The following EPS8 variants were observed in gnomAD, a reference collection of about 807,000 sequenced individuals.
EPS8 encodes the protein epidermal growth factor receptor kinase substrate 8.
A neutral mutation model predicts 103.8 loss-of-function variants in EPS8; 42 were observed. That is an observed-to-expected ratio of 0.40 (90% CI 0.32 to 0.52). EPS8 has a LOEUF of 0.52. EPS8 is among the 20% of genes least tolerant of loss of function. The pLI is 0.40. For synonymous variants in EPS8, 344 were observed against 344.6 expected (o/e 1.00, Z 0.02); for missense variants, 969 against 1,005.1 (o/e 0.96, Z 0.49).
chr12:15,735,154 T>C lies in EPS8; in HGVS notation c.-21-52182A>G, dbSNP rs11056614. ...ACTGATTTAAGTATACTAATTTTTCTACAAATGAACTCACCTCAGAAATGA... is the reference window on the plus strand; with the variant it reads ...ACTGATTTAAGTATACTAATTTTTCCACAAATGAACTCACCTCAGAAATGA... On this transcript the variant is annotated intron_variant, in intron 1 of 20. Transcript: ENST00000281172. This position sits in a 1 kb window ranked among gnomAD's most constrained non-coding sequence, Gnocchi z 4.4. 1.1e-3 allele frequency among the ~76,000 whole-genome samples: 163 copies of C among 152,346 alleles called. 2 individuals are homozygous for C. The East Asian group carries it at 0.03, about 28-fold the overall frequency.
intron 13 of EPS8, among the ~76,000 whole-genome samples, chr12:15,652,156 T>C (rs952039927): frequency 2.8e-4 from 42 of 152,190 alleles, no homozygotes; most frequent in Non-Finnish European, 4.1e-4. Context: ...AGAAATCTTG[T>C]CATTTGCAGC....
chr12:15,730,440 C>T (rs189291062), intron 1 of EPS8, among the ~76,000 whole-genome samples: 1 of 152,070 alleles, frequency 6.6e-6, no homozygotes, highest in East Asian at 1.9e-4. Flanking sequence ...TTTAATTTAA[C>T]CTATATTGGG....
intron 6 of EPS8, 106 bp downstream of exon 6, chr12:15,669,281 C>A: frequency 1.0e-6 from 1 of 980,772 alleles, no homozygotes; most frequent in Non-Finnish European, 1.5e-6. Flanking sequence ...TGCTCAGAAA[C>A]TAAAAATCTA....
chr12:15,652,942 G>C (rs1945440554), intron 13 of EPS8, among the ~76,000 whole-genome samples: 1 of 151,992 alleles, frequency 6.6e-6, no homozygotes, highest in Non-Finnish European at 1.5e-5. Flanking sequence ...TATTCTAAGT[G>C]GTGAAATAAA....
chr12:15,669,867 A>C, intron 4 of EPS8, 42 bp from the exon 5 acceptor site: 12 of 1,465,478 alleles, frequency 8.2e-6, no homozygotes, highest in Non-Finnish European at 1.1e-5. Context: ...AACACATACA[A>C]ACACATACAA....
At chr12:15,703,559 C>T (rs182778695) in intron 1 of EPS8, among the ~76,000 whole-genome samples, 58 of 151,880 alleles carry the variant, frequency 3.8e-4, no homozygotes, top group African/African-American at 1.4e-3. Context: ...GGCTGCAATA[C>T]AGAATATATG....
chr12:15,753,359 T>C (rs978386138), intron 1 of EPS8, among the ~76,000 whole-genome samples: 1 of 152,184 alleles, frequency 6.6e-6, no homozygotes, highest in Non-Finnish European at 1.5e-5. Flanking sequence ...CTCTGTAGAA[T>C]GACAAGGTCT....
chr12:15,675,852 GTCTA>G (rs1480444435), intron 3 of EPS8, among the ~76,000 whole-genome samples: 2 of 152,186 alleles, frequency 1.3e-5, no homozygotes, highest in Non-Finnish European at 2.9e-5. Flanking sequence ...TTTCTGGAAA[GTCTA>G]TCTATTCAGA....
At chr12:15,763,091 A>G (rs2136033144) in intron 1 of EPS8, among the ~76,000 whole-genome samples, 1 of 152,320 alleles carries the variant, frequency 6.6e-6, no homozygotes, top group East Asian at 1.9e-4. Flanking sequence ...GCAAAAATAC[A>G]TAATTTAAAA....
At chr12:15,660,465 C>T in intron 10 of EPS8, 149 bp downstream of exon 10, 3 of 595,030 alleles carry the variant, frequency 5.0e-6, no homozygotes, top group South Asian at 3.5e-5. Context: ...GGTTTCATCA[C>T]ATTGGTCAGG....
chr12:15,754,736 C>T (rs1946968403), intron 1 of EPS8, among the ~76,000 whole-genome samples: 1 of 151,984 alleles, frequency 6.6e-6, no homozygotes, highest in South Asian at 2.1e-4. Context: ...TGAAAGAAAC[C>T]AACAAAAAAG....
chr12:15,732,638 G>T, intron 1 of EPS8: 1 of 323,864 alleles, frequency 3.1e-6, no homozygotes, highest in Non-Finnish European at 4.4e-6. Flanking sequence ...TCTTTAAATA[G>T]TCAATTATTT....
chr12:15,646,088 AAATT>A lies in EPS8; in HGVS notation c.1568+1035_1568+1038del, dbSNP rs1256745373. On this transcript the variant is annotated intron_variant, in intron 15 of 20. Transcript: ENST00000281172. ...ACTGATTTTCAACTGTATCTACTGAAAATTAATTATGTAATTAAAACATTCTCAT... is the reference window on the plus strand; with the variant it reads ...ACTGATTTTCAACTGTATCTACTGAAAATTATGTAATTAAAACATTCTCAT... Among the ~76,000 whole-genome samples, 6 of 152,338 alleles carry A rather than the reference AAATT, an allele frequency of 3.9e-5. No individual in the cohort carries two copies. In the South Asian group the frequency reaches 1.0e-3, roughly 26 times the overall value.
At chr12:15,685,871 GTT>G (rs942594437) in intron 1 of EPS8, among the ~76,000 whole-genome samples, 15 of 152,186 alleles carry the variant, frequency 9.9e-5, no homozygotes, top group South Asian at 2.1e-4. Flanking sequence ...AAAATTAAGT[GTT>G]TTTATTTTTA....
At chr12:15,729,468 G>A (rs770240975) in intron 1 of EPS8, among the ~76,000 whole-genome samples, 5 of 151,596 alleles carry the variant, frequency 3.3e-5, no homozygotes, top group East Asian at 1.9e-4. Context: ...TTATGGCTTC[G>A]GTTAGGGAAG....
intron 18 of EPS8, among the ~76,000 whole-genome samples, chr12:15,626,931 A>G (rs1368930829): frequency 6.6e-6 from 1 of 151,922 alleles, no homozygotes; most frequent in African/African-American, 2.4e-5. Context: ...CCTCCCCAAA[A>G]GCACTCTCTA....
rs148895355 is a variant in EPS8 at position 15,736,728 on chromosome 12, T to C, written c.-22+52433A>G. Among the ~76,000 whole-genome samples the C allele has an allele frequency of 1.3e-5, 2 of 152,210 alleles. No individual in the cohort carries two copies. The highest frequency in any genetic ancestry group is 1.3e-4 in the Admixed American group (2 of 15,284). ...TATTATGATAATGAGAGAAAAATAA[T>C]ACATAAGATGCAAAGAAAAAATGCA... On this transcript the variant is annotated intron_variant, in intron 1 of 20. Coordinates refer to ENST00000281172, the MANE Select transcript of EPS8 (RefSeq NM_004447.6). The surrounding 1 kb of genome is among the most constrained non-coding windows in gnomAD (Gnocchi z 4.2).
Position 15,761,436 on chromosome 12 carries a change from C to T in EPS8, c.-22+27725G>A, listed in dbSNP as rs147012383. Among the ~76,000 whole-genome samples, 1,225 of 151,998 alleles carry T rather than the reference C, an allele frequency of 8.1e-3. 17 individuals are homozygous for T. Among genetic ancestry groups the T allele is most frequent in the African/African-American group, 0.028 (1,143 of 41,494 alleles). ...CTTCACAGAAATAGAAAAAACAATC[C>T]TAAAATTTATATGGACCCACAAAAG... On this transcript the variant is annotated intron_variant, in intron 1 of 20. Transcript: ENST00000281172. This position sits in a 1 kb window ranked among gnomAD's most constrained non-coding sequence, Gnocchi z 4.5.
At chr12:15,692,058 G>A (rs1344090662) in intron 1 of EPS8, among the ~76,000 whole-genome samples, 2 of 152,014 alleles carry the variant, frequency 1.3e-5, no homozygotes, top group South Asian at 2.1e-4. Flanking sequence ...CTTTCATCAC[G>A]GGATCCACAT....
Sources: allele counts gnomAD v4.1 joint callset (sites outside exome capture counted in the v4.1 genomes callset), GRCh38; gene constraint gnomAD v4.1.1; non-coding constraint Gnocchi (gnomAD v3.1); transcripts MANE v1.5; gene names NCBI Gene and HGNC (gene_info 2026-07-23, HGNC 2026-07-21).